C14orf93: variants seen among roughly 807,000 people sequenced by gnomAD.
C14orf93 encodes uncharacterized protein C14orf93.
In C14orf93, 23 loss-of-function variants were observed where a neutral mutation model predicts 44.0. The observed-to-expected ratio is 0.52, with a 90% confidence interval of 0.38 to 0.74. C14orf93 has a LOEUF of 0.74. C14orf93 is among the 30% of genes least tolerant of loss of function. The pLI, the probability that C14orf93 is intolerant of heterozygous loss-of-function variation, is 0.00. For missense variants in C14orf93, 579 were observed against 678.9 expected (o/e 0.85, Z 1.64); for synonymous variants, 253 against 265.7 (o/e 0.95, Z 0.46).
chr14:22,990,054 A>G lies in C14orf93; in HGVS notation c.980+12T>C. 2 of 1,607,306 alleles carry G rather than the reference A, an allele frequency of 1.2e-6. No homozygotes were observed. Among genetic ancestry groups the G allele is most frequent in the Non-Finnish European group, 1.7e-6 (2 of 1,174,570 alleles). On this transcript the variant is annotated intron_variant, in intron 4 of 6. Coordinates refer to ENST00000299088, the MANE Select transcript of C14orf93 (RefSeq NM_021944.4). ...AGTACCTTCTAATTCTTTTTCCTCA[A>G]GGAGACCATACCTTTCAGACCCATT...
At chr14:22,991,795 C>T (rs2045651074) in intron 3 of C14orf93, among the ~76,000 whole-genome samples, 1 of 152,086 alleles carries the variant, frequency 6.6e-6, no homozygotes, top group Non-Finnish European at 1.5e-5. Flanking sequence ...TGGTCTTGAT[C>T]TCTTGACCTC....
rs200596715 is a variant in C14orf93, at chr14:22,990,063, T to C, written c.980+3A>G. Reference sequence around the variant, plus strand: ...TAATTCTTTTTCCTCAAGGAGACCATACCTTTCAGACCCATTGAATCTCTT... The same window carrying C: ...TAATTCTTTTTCCTCAAGGAGACCACACCTTTCAGACCCATTGAATCTCTT... On this transcript the variant is annotated splice_donor_region_variant and intron_variant, in intron 4 of 6. Coordinates refer to ENST00000299088, the MANE Select transcript of C14orf93 (RefSeq NM_021944.4). 11 of 1,610,970 alleles carry C rather than the reference T, an allele frequency of 6.8e-6. No individual in the cohort carries two copies. Among genetic ancestry groups the C allele is most frequent in the Admixed American group, 3.3e-5 (2 of 59,926 alleles).
intron 1 of C14orf93, chr14:23,005,898 A>C (rs561896368): frequency 6.6e-6 from 1 of 152,088 alleles, no homozygotes; most frequent in South Asian, 2.1e-4. Flanking sequence ...AATATATCAT[A>C]CTCTTGGCAG....
chr14:22,996,593 G>A lies in C14orf93; in HGVS notation c.598-325C>T, dbSNP rs1566681983. 6.6e-6 allele frequency among the ~76,000 whole-genome samples: 1 copy of A among 152,216 alleles called. No homozygotes were observed. The highest frequency in any genetic ancestry group is 1.5e-5 in the Non-Finnish European group (1 of 68,044). ...AGCTAGATAAGTGTTTTGTCTGAAA[G>A]GACTGGGTGAAGAAGTGATGACAAG... On this transcript the variant is annotated intron_variant, in intron 2 of 6. Coordinates refer to ENST00000299088, the MANE Select transcript of C14orf93 (RefSeq NM_021944.4). This position sits in a 1 kb window ranked among gnomAD's most constrained non-coding sequence, Gnocchi z 4.1.
At chr14:22,995,775 A>C (rs984755988) in intron 3 of C14orf93, among the ~76,000 whole-genome samples, 173 bp downstream of exon 3, 2 of 151,864 alleles carry the variant, frequency 1.3e-5, no homozygotes, top group Admixed American at 6.6e-5. Flanking sequence ...GATGTTTAGC[A>C]GGGGACTTCC....
At chr14:22,992,917 T>C (rs1333071690) in intron 3 of C14orf93, among the ~76,000 whole-genome samples, 5 of 152,010 alleles carry the variant, frequency 3.3e-5, no homozygotes, top group Non-Finnish European at 1.5e-5. Flanking sequence ...TCTTGCTCTG[T>C]TGTCCAGGCT....
chr14:23,003,373 G>T (rs1594671493), intron 1 of C14orf93, among the ~76,000 whole-genome samples: 1 of 152,306 alleles, frequency 6.6e-6, no homozygotes, highest in East Asian at 1.9e-4. Context: ...GAAAGATATT[G>T]GGATCAGCAG....
Position 22,987,827 on chromosome 14 carries a change from G to T in C14orf93, c.1197+76C>A. On this transcript the variant is annotated intron_variant, in intron 6 of 6. Coordinates refer to ENST00000299088, the MANE Select transcript of C14orf93 (RefSeq NM_021944.4). The surrounding 1 kb of genome is among the most constrained non-coding windows in gnomAD (Gnocchi z 5.6). ...CTGGCTCTCAACCCTATTCTCATAT[G>T]CCATGTCCTCTGGCCCTTCCCACTT... is the stretch of plus-strand genomic sequence containing the variant. 7.6e-7 allele frequency: 1 copy of T among 1,314,088 alleles called. No individual in the cohort carries two copies. Among genetic ancestry groups the T allele is most frequent in the Non-Finnish European group, 1.1e-6 (1 of 926,900 alleles). 81.4% of individuals were successfully genotyped at this position (1,314,088 alleles called of 1,614,324 possible). A position where few individuals can be genotyped will look rare whatever the true frequency, so the allele number is the denominator to read the frequency against.
Position 22,988,075 on chromosome 14 carries a change from C to T in C14orf93, c.1085-60G>A, listed in dbSNP as rs1474595091. 5.0e-6 allele frequency: 6 copies of T among 1,194,498 alleles called. No homozygotes were observed. The South Asian group carries it at 6.2e-5, about 12-fold the overall frequency. 74.0% of individuals were successfully genotyped at this position (1,194,498 alleles called of 1,614,324 possible). On this transcript the variant is annotated intron_variant, in intron 5 of 6. Transcript: ENST00000299088. ...GGTCCTCTGAGTAGTGGTCCCCAGC[C>T]CGTTTTTCTGCCCTAACACTATTGA...
In C14orf93 at chr14:22,987,383, A is replaced by G; in HGVS notation, c.1449T>C (p.Ala483=). ...GTTCTGGTGGAAGGAGCTGGGCTTCAGCAGAAGGCAGTCTGTCTGAGGGAG... is the reference window on the plus strand; with the variant it reads ...GTTCTGGTGGAAGGAGCTGGGCTTCGGCAGAAGGCAGTCTGTCTGAGGGAG... ...YGPPSDRLPS[A]EAQLLPPELY... Residue 483 remains alanine (A), a synonymous_variant, in exon 7 of 7, where the codon GCT becomes GCC. Transcript: ENST00000299088. This position sits in a 1 kb window ranked among gnomAD's most constrained non-coding sequence, Gnocchi z 5.6. 1 of 1,614,262 alleles carries G rather than the reference A, an allele frequency of 6.2e-7. No homozygotes were observed. Among genetic ancestry groups the G allele is most frequent in the Non-Finnish European group, 8.5e-7 (1 of 1,180,050 alleles).
At position 22,986,625 on chromosome 14, in the gene C14orf93, G is replaced by C. The variant is rs996036197; in HGVS notation, c.*590C>G. 2 of 153,866 alleles carry C rather than the reference G, an allele frequency of 1.3e-5. No homozygotes were observed. The highest frequency in any genetic ancestry group is 2.9e-5 in the Non-Finnish European group (2 of 69,162). 9.5% of individuals were successfully genotyped at this position (153,866 alleles called of 1,614,324 possible). A position where few individuals can be genotyped will look rare whatever the true frequency, so the allele number is the denominator to read the frequency against. On this transcript the variant is annotated 3_prime_UTR_variant, in exon 7 of 7. Coordinates refer to ENST00000299088, the MANE Select transcript of C14orf93 (RefSeq NM_021944.4). The stretch of plus-strand genomic sequence containing the variant: ...TTTCCTCATCTGTAAGATAGGAATA[G>C]TAAAATTTTCCTCATGTAATTCAAT...
At chr14:22,992,944 G>A (rs2045748572) in intron 3 of C14orf93, among the ~76,000 whole-genome samples, 1 of 151,718 alleles carries the variant, frequency 6.6e-6, no homozygotes, top group South Asian at 2.1e-4. Flanking sequence ...CAGTGGTGTG[G>A]TCTCAGCTCA....
rs1195784006 is a variant in C14orf93 at position 23,007,558 on chromosome 14, C to A, written c.-380+2543G>T. ...AAGAAGTTTCCAATACTAGGGGCCC[C>A]GAGGATTCCCAGGCAAAATCAACAG... On this transcript the variant is annotated intron_variant, in intron 1 of 6. Coordinates refer to ENST00000299088, the MANE Select transcript of C14orf93 (RefSeq NM_021944.4). 1.3e-5 allele frequency among the ~76,000 whole-genome samples: 2 copies of A among 152,218 alleles called. 1 individual carries two copies. Among genetic ancestry groups the A allele is most frequent in the South Asian group, 4.1e-4 (2 of 4,828 alleles).
chr14:23,006,587 T>C (rs1266830986), intron 1 of C14orf93: 1 of 152,246 alleles, frequency 6.6e-6, no homozygotes, highest in Non-Finnish European at 1.5e-5. Flanking sequence ...AAGGACCCAC[T>C]GCATTTATGG....
intron 1 of C14orf93, among the ~76,000 whole-genome samples, chr14:23,009,673 G>A (rs528271966): frequency 1.3e-5 from 2 of 152,058 alleles, no homozygotes; most frequent in Non-Finnish European, 2.9e-5. Context: ...TGTGTAAAAA[G>A]CACGCAAACG....
chr14:22,992,851 G>A lies in C14orf93; in HGVS notation c.919-2724C>T, dbSNP rs550325936. Among the ~76,000 whole-genome samples the A allele has an allele frequency of 2.6e-3, 398 of 151,898 alleles. 4 individuals are homozygous for A. The highest frequency in any genetic ancestry group is 9.4e-4 in the Non-Finnish European group (64 of 67,986). On this transcript the variant is annotated intron_variant, in intron 3 of 6. Coordinates refer to ENST00000299088, the MANE Select transcript of C14orf93 (RefSeq NM_021944.4). ...ACCCACCTCGGCTTCCCAAAGTGCTGGGATTACAGGCATGAGCCACCACGC... is the reference window on the plus strand; with the variant it reads ...ACCCACCTCGGCTTCCCAAAGTGCTAGGATTACAGGCATGAGCCACCACGC...
chr14:22,988,889 A>G (rs1410389378), intron 5 of C14orf93, among the ~76,000 whole-genome samples: 1 of 152,070 alleles, frequency 6.6e-6, no homozygotes, highest in Admixed American at 6.5e-5. Context: ...GGAGTTTGAG[A>G]CCAGCCTGGG....
intron 5 of C14orf93, among the ~76,000 whole-genome samples, chr14:22,988,484 C>G (rs909261931): frequency 2.6e-5 from 4 of 152,060 alleles, no homozygotes; most frequent in Non-Finnish European, 5.9e-5. Context: ...GGTTAGGATT[C>G]TTTTTATTTA....
rs202244698 is a variant in C14orf93, at chr14:22,987,309, T to G, written c.1523A>C (p.Asn508Thr). 5.0e-4 allele frequency: 806 copies of G among 1,614,120 alleles called. No homozygotes were observed. The highest frequency in any genetic ancestry group is 6.0e-4 in the Non-Finnish European group (710 of 1,180,022). The change falls in exon 7 of 7, where the codon AAT becomes ACT. Residue 508 changes from asparagine (N) to threonine (T), a missense_variant. Transcript: ENST00000299088. The surrounding 1 kb of genome is among the most constrained non-coding windows in gnomAD (Gnocchi z 5.6). Reference sequence around the variant, plus strand: ...GTCAAAAGATGGGGAGCCAGGTGCATTCTCATCCCCTCCCTCATCTTCCTC... The same window carrying G: ...GTCAAAAGATGGGGAGCCAGGTGCAGTCTCATCCCCTCCCTCATCTTCCTC... ...QEEEDEGGDE[N>T]APGSPSFDQP...
Sources: gnomAD v4.1 joint callset for allele counts (sites outside exome capture counted in the v4.1 genomes callset) on GRCh38, gnomAD v4.1.1 for gene constraint, Gnocchi (gnomAD v3.1) non-coding constraint, MANE v1.5 for transcripts, NCBI Gene and HGNC (gene_info 2026-07-23, HGNC 2026-07-21) for gene names.